WWOX: variants seen among roughly 807,000 people sequenced by gnomAD.
The protein encoded by WWOX is WW domain containing oxidoreductase.
WWOX carries 69 observed loss-of-function variants against 46.2 expected under a neutral mutation model. That is an observed-to-expected ratio of 1.49 (90% CI 1.23 to 1.82). The LOEUF is 1.82. WWOX is among the 40% of genes most tolerant of loss of function. WWOX has a pLI of 0.00. For synonymous variants in WWOX, 359 were observed against 202.6 expected (o/e 1.77, Z -6.56); for missense variants, 919 against 542.6 (o/e 1.69, Z -6.89).
intron 8 of WWOX, among the ~76,000 whole-genome samples, chr16:78,930,222 TCTTC>T (rs574392161): frequency 0.13 from 14,168 of 105,106 alleles, 1,122 homozygotes; most frequent in Admixed American, 0.23. Context: ...TCAGGACCTT[TCTTC>T]CTTCCTTCCT....
chr16:78,409,861 C>A (rs1219565343), intron 6 of WWOX, among the ~76,000 whole-genome samples: 1 of 152,204 alleles, frequency 6.6e-6, no homozygotes, highest in South Asian at 2.1e-4. Flanking sequence ...CCTCTAGCCA[C>A]AATCGGGAAA....
chr16:78,333,043 C>CTTTTTTTT lies in WWOX; in HGVS notation c.517-53800_517-53793dup, dbSNP rs11289222. ...CTGAGTAGCATGGAAGAGCATTATACTTTTTTTTTTTTTTTTTTTTTTTTG... is the reference window on the plus strand; with the variant it reads ...CTGAGTAGCATGGAAGAGCATTATACTTTTTTTTTTTTTTTTTTTTTTTTTTTTTTTTG... On this transcript the variant is annotated intron_variant, in intron 5 of 8. Transcript: ENST00000566780. Among the ~76,000 whole-genome samples the CTTTTTTTT allele has an allele frequency of 2.3e-4, 13 of 57,092 alleles. 1 individual carries two copies. Among genetic ancestry groups the CTTTTTTTT allele is most frequent in the Non-Finnish European group, 3.4e-4 (9 of 26,264 alleles). 37.5% of individuals were successfully genotyped at this position (57,092 alleles called of 152,430 possible). A position where few individuals can be genotyped will look rare whatever the true frequency, so the allele number is the denominator to read the frequency against.
chr16:78,952,096 C>T (rs2046072184), intron 8 of WWOX, among the ~76,000 whole-genome samples: 1 of 152,094 alleles, frequency 6.6e-6, no homozygotes, highest in South Asian at 2.1e-4. Context: ...AGTGACCTAG[C>T]CCCCGTGTAC....
chr16:79,133,412 T>G (rs12716869), intron 8 of WWOX, among the ~76,000 whole-genome samples: 49,793 of 152,088 alleles, frequency 0.33, 8,443 homozygotes, highest in South Asian at 0.39. Flanking sequence ...ATATAAACTA[T>G]GACACACATT....
At chr16:78,153,048 G>A (rs937102014) in intron 4 of WWOX, among the ~76,000 whole-genome samples, 2 of 152,182 alleles carry the variant, frequency 1.3e-5, no homozygotes, top group Admixed American at 1.3e-4. Context: ...AGAGACCTGT[G>A]TAGTTTTGTA....
At chr16:78,505,302 C>G (rs1230355118) in intron 8 of WWOX, among the ~76,000 whole-genome samples, 1 of 152,154 alleles carries the variant, frequency 6.6e-6, no homozygotes, top group Non-Finnish European at 1.5e-5. Context: ...AATACACTTG[C>G]CAAGACTCCG....
intron 5 of WWOX, among the ~76,000 whole-genome samples, chr16:78,334,998 T>C (rs1455371894): frequency 6.6e-6 from 1 of 151,912 alleles, no homozygotes; most frequent in Non-Finnish European, 1.5e-5. Context: ...GACCAGAGGT[T>C]CCCCAAGTAG....
At chr16:78,422,844 TACACACACACACACACACACACAC>T (rs370327902) in intron 6 of WWOX, among the ~76,000 whole-genome samples, 1 of 105,118 alleles carries the variant, frequency 9.5e-6, no homozygotes, top group African/African-American at 4.9e-5. Flanking sequence ...TATATACATA[TACACACACACACACACACACACAC>T]ACACACACAC....
At chr16:78,143,409 C>T (rs1016438591) in intron 4 of WWOX, among the ~76,000 whole-genome samples, 2 of 152,104 alleles carry the variant, frequency 1.3e-5, no homozygotes, top group South Asian at 2.1e-4. Context: ...ATTGTCTATT[C>T]GAAGGGTCAG....
chr16:78,845,089 C>T lies in WWOX; in HGVS notation c.1057-366519C>T, dbSNP rs11640525. On this transcript the variant is annotated intron_variant, in intron 8 of 8. Transcript: ENST00000566780. ...CATTCCAAAGGGTCGTTGTCTCCTC[C>T]TATTTAATAGCCCTGCATTCATGCA... 7.9e-3 allele frequency among the ~76,000 whole-genome samples: 1,191 copies of T among 150,884 alleles called. 9 individuals are homozygous for T. Among genetic ancestry groups the T allele is most frequent in the Non-Finnish European group, 0.011 (770 of 67,928 alleles).
intron 8 of WWOX, among the ~76,000 whole-genome samples, chr16:79,152,130 G>A (rs141033962): frequency 6.6e-6 from 1 of 152,190 alleles, no homozygotes; most frequent in Non-Finnish European, 1.5e-5. Flanking sequence ...TAGAGTAAAA[G>A]ATATCGATTT....
At chr16:78,280,919 A>G (rs1043757738) in intron 5 of WWOX, 7 of 153,348 alleles carry the variant, frequency 4.6e-5, no homozygotes, top group African/African-American at 1.7e-4. Context: ...TCTTCAGCCA[A>G]CAACTGTTCG....
Position 78,221,559 on chromosome 16 carries a change from G to A in WWOX, c.516+57270G>A, listed in dbSNP as rs188617544. ...TCAGAAGGCATTGTGAGCAAAATAA[G>A]GGAAGAAAAAGAGAAGTAGATAAGA... is the stretch of plus-strand genomic sequence containing the variant. On this transcript the variant is annotated intron_variant, in intron 5 of 8. Coordinates refer to ENST00000566780, the MANE Select transcript of WWOX (RefSeq NM_016373.4). Among the ~76,000 whole-genome samples, 15 of 152,214 alleles carry A rather than the reference G, an allele frequency of 9.9e-5. No homozygotes were observed. The East Asian group carries it at 1.5e-3, about 16-fold the overall frequency.
intron 8 of WWOX, among the ~76,000 whole-genome samples, chr16:78,630,896 T>C (rs1360406438): frequency 6.6e-6 from 1 of 152,172 alleles, no homozygotes; most frequent in East Asian, 1.9e-4. Flanking sequence ...CTCTGGGTTC[T>C]ACATATGTAG....
Position 78,996,370 on chromosome 16 carries a change from G to GCC in WWOX, c.1057-215237_1057-215236insCC, listed in dbSNP as rs1335085239. On this transcript the variant is annotated intron_variant, in intron 8 of 8. Coordinates refer to ENST00000566780, the MANE Select transcript of WWOX (RefSeq NM_016373.4). ...AATAGAAAGAGTGTGAGTGAATTCT[G>GCC]CACCCACCCCCGCCCCCCAGCTTCC... 5.9e-5 allele frequency: 49 copies of GCC among 834,522 alleles called. No homozygotes were observed. In the African/African-American group the frequency reaches 8.8e-4, roughly 15 times the overall value. The allele number at this position is 834,522 out of a possible 1,614,324, so 51.7% of individuals were successfully genotyped here.
At chr16:79,127,971 G>C (rs1195083725) in intron 8 of WWOX, among the ~76,000 whole-genome samples, 1 of 152,200 alleles carries the variant, frequency 6.6e-6, no homozygotes, top group Non-Finnish European at 1.5e-5. Context: ...GGCCTGGTCT[G>C]ATAGAGGAAC....
intron 8 of WWOX, among the ~76,000 whole-genome samples, chr16:79,011,329 C>T (rs984647991): frequency 1.3e-4 from 20 of 151,650 alleles, no homozygotes; most frequent in Non-Finnish European, 1.3e-4. Context: ...TCTAATATGC[C>T]CTCTACATTC....
At chr16:78,856,323 T>G (rs2052565646) in intron 8 of WWOX, among the ~76,000 whole-genome samples, 1 of 152,164 alleles carries the variant, frequency 6.6e-6, no homozygotes, top group African/African-American at 2.4e-5. Context: ...GTAACAGGCT[T>G]GTAGTGACTT....
At chr16:78,839,779 G>T (rs1567596246) in intron 8 of WWOX, among the ~76,000 whole-genome samples, 1 of 152,132 alleles carries the variant, frequency 6.6e-6, no homozygotes, top group South Asian at 2.1e-4. Context: ...TGAGGAATGG[G>T]TTAGGAGAAG....
Sources: gnomAD v4.1 joint callset for allele counts (sites outside exome capture counted in the v4.1 genomes callset) on GRCh38, gnomAD v4.1.1 for gene constraint, MANE v1.5 for transcripts, NCBI Gene and HGNC (gene_info 2026-07-23, HGNC 2026-07-21) for gene names.